Variants in SRPK2 observed in about 807,000 individuals in gnomAD.
SRPK2 encodes SFRS protein kinase 2.
In SRPK2, 21 loss-of-function variants were observed where a neutral mutation model predicts 90.8. That is an observed-to-expected ratio of 0.23 (90% CI 0.16 to 0.33). The LOEUF (loss-of-function observed/expected upper bound fraction) is 0.33. SRPK2 is among the 10% of genes least tolerant of loss of function. The pLI, the probability that SRPK2 is intolerant of heterozygous loss-of-function variation, is 1.00. For missense variants in SRPK2, 620 were observed against 869.0 expected (o/e 0.71, Z 3.60); for synonymous variants, 288 against 311.1 (o/e 0.93, Z 0.78).
chr7:105,156,491 T>G (rs572327205), intron 7 of SRPK2, among the ~76,000 whole-genome samples: 3 of 152,140 alleles, frequency 2.0e-5, no homozygotes, highest in Admixed American at 2.0e-4. Context: ...ATGAGGAAGG[T>G]ATCATTTTTG....
chr7:105,383,539 G>A (rs1400949932), intron 2 of SRPK2, among the ~76,000 whole-genome samples: 1 of 151,344 alleles, frequency 6.6e-6, no homozygotes, highest in African/African-American at 2.4e-5. Context: ...TTCTGCCTCA[G>A]CCTCCCGAGT....
intron 2 of SRPK2, among the ~76,000 whole-genome samples, chr7:105,321,219 C>A (rs137886512): frequency 2.6e-5 from 4 of 152,094 alleles, no homozygotes; most frequent in Admixed American, 1.3e-4. Context: ...CCACTCAATG[C>A]GGAAAGAACA....
rs77184380 is a variant in SRPK2, at chr7:105,169,001, C to A, written c.338+156G>T. Among the ~76,000 whole-genome samples the A allele has an allele frequency of 3.1e-3, 467 of 152,158 alleles. 14 individuals are homozygous for A. The East Asian group carries it at 0.062, about 20-fold the overall frequency. ...ATTTCAAATGAACTTCAAACTAAGG[C>A]AGGGGGCAGGAAGGAATCTAGCCAG... On this transcript the variant is annotated intron_variant, in intron 4 of 15. Coordinates refer to ENST00000393651, the MANE Select transcript of SRPK2 (RefSeq NM_182692.3).
intron 2 of SRPK2, among the ~76,000 whole-genome samples, chr7:105,263,851 T>C (rs1410522248): frequency 6.6e-6 from 1 of 152,052 alleles, no homozygotes; most frequent in Non-Finnish European, 1.5e-5. Flanking sequence ...TCAATGAAAA[T>C]ACTAACAAAA....
chr7:105,232,717 TAAAA>T (rs34306095), intron 2 of SRPK2, among the ~76,000 whole-genome samples: 9 of 150,348 alleles, frequency 6.0e-5, no homozygotes, highest in East Asian at 2.0e-4. Context: ...ACAATAATAA[TAAAA>T]AAAAAAAAGA....
At chr7:105,393,232 G>GCC (rs1822228544), upstream of SRPK2, among the ~76,000 whole-genome samples, 1 of 150,184 alleles carries the variant, frequency 6.7e-6, no homozygotes, top group Non-Finnish European at 1.5e-5. Context: ...CTGACCTCAA[G>GCC]TGATCTGCCT....
At chr7:105,270,583 C>G (rs1249431004) in intron 2 of SRPK2, among the ~76,000 whole-genome samples, 1 of 151,832 alleles carries the variant, frequency 6.6e-6, no homozygotes, top group Non-Finnish European at 1.5e-5. Context: ...AATTTTTTGT[C>G]TTTTTAGTAG....
intron 2 of SRPK2, among the ~76,000 whole-genome samples, chr7:105,247,341 A>T (rs1302383052): frequency 2.6e-5 from 4 of 152,184 alleles, no homozygotes; most frequent in Admixed American, 2.6e-4. Flanking sequence ...ATGATTAATA[A>T]TATTGTTATG....
At chr7:105,362,542 A>G (rs1158943236) in intron 2 of SRPK2, among the ~76,000 whole-genome samples, 1 of 151,010 alleles carries the variant, frequency 6.6e-6, no homozygotes, top group Non-Finnish European at 1.5e-5. Flanking sequence ...AAAAGTCAGG[A>G]AACAACAGGT....
At chr7:105,222,150 T>C (rs982976838) in intron 2 of SRPK2, among the ~76,000 whole-genome samples, 14 of 152,220 alleles carry the variant, frequency 9.2e-5, no homozygotes, top group African/African-American at 2.9e-4. Context: ...ACCAATTAAA[T>C]TGTTAGGGCA....
chr7:105,284,217 G>T (rs1036190189), intron 2 of SRPK2, among the ~76,000 whole-genome samples: 4 of 152,182 alleles, frequency 2.6e-5, no homozygotes, highest in African/African-American at 4.8e-5. Flanking sequence ...CAGGGAAAGG[G>T]AGTGGTCATC....
intron 2 of SRPK2, among the ~76,000 whole-genome samples, chr7:105,384,135 GA>G (rs1379521468): frequency 6.6e-6 from 1 of 151,908 alleles, no homozygotes; most frequent in Non-Finnish European, 1.5e-5. Flanking sequence ...TAAAAGTTAT[GA>G]AAAAAATAAA....
intron 2 of SRPK2, among the ~76,000 whole-genome samples, chr7:105,362,395 T>A (rs1563287969): frequency 6.6e-6 from 1 of 151,512 alleles, no homozygotes; most frequent in Non-Finnish European, 1.5e-5. Flanking sequence ...ATCACAAGGT[T>A]GGGAGATGGA....
At chr7:105,174,210 T>C (rs1791538728) in intron 3 of SRPK2, among the ~76,000 whole-genome samples, 1 of 152,132 alleles carries the variant, frequency 6.6e-6, no homozygotes, top group Non-Finnish European at 1.5e-5. Context: ...AAGATTTCTG[T>C]AACTAAAACT....
At chr7:105,243,840 G>A (rs1163089332) in intron 2 of SRPK2, among the ~76,000 whole-genome samples, 1 of 152,176 alleles carries the variant, frequency 6.6e-6, no homozygotes, top group Non-Finnish European at 1.5e-5. Context: ...TCACACGTGA[G>A]AAGTGGAATG....
At chr7:105,123,462 T>C (rs112494696) in intron 15 of SRPK2, among the ~76,000 whole-genome samples, 1 of 152,226 alleles carries the variant, frequency 6.6e-6, no homozygotes, top group Non-Finnish European at 1.5e-5. Context: ...TCAAAAGTGA[T>C]ACGGCATATC....
chr7:105,152,886 T>C (rs1805918868), intron 7 of SRPK2, among the ~76,000 whole-genome samples: 1 of 151,954 alleles, frequency 6.6e-6, no homozygotes, highest in Non-Finnish European at 1.5e-5. Flanking sequence ...ATACAAAAAT[T>C]AGCTGGGTGT....
chr7:105,319,859 CCT>C (rs1491464830), intron 2 of SRPK2, among the ~76,000 whole-genome samples: 27 of 146,782 alleles, frequency 1.8e-4, no homozygotes, highest in Non-Finnish European at 2.3e-4. Flanking sequence ...CACTTCCCCC[CCT>C]TTTTTTTTTT....
chr7:105,152,162 T>C (rs1259832410), intron 7 of SRPK2, among the ~76,000 whole-genome samples: 1 of 152,102 alleles, frequency 6.6e-6, no homozygotes, highest in Admixed American at 6.5e-5. Context: ...ACTTTTTTCT[T>C]TTTTTGAGAT....
Sources: allele counts gnomAD v4.1 joint callset (sites outside exome capture counted in the v4.1 genomes callset), GRCh38; gene constraint gnomAD v4.1.1; transcripts MANE v1.5; gene names NCBI Gene and HGNC (gene_info 2026-07-23, HGNC 2026-07-21).